Variants in ESRP1 observed in about 807,000 individuals in gnomAD.
The protein encoded by ESRP1 is RNA-binding motif protein 35A.
A neutral mutation model predicts 81.7 loss-of-function variants in ESRP1; 33 were observed. The observed-to-expected ratio is 0.40, with a 90% CI of 0.31 to 0.54. ESRP1 has a LOEUF of 0.54. Among genes scored for constraint, ESRP1 ranks in the 20% least tolerant of loss-of-function variants. The pLI is 0.41. For missense variants in ESRP1, 672 were observed against 833.1 expected (o/e 0.81, Z 2.38); for synonymous variants, 320 against 303.3 (o/e 1.06, Z -0.57).
chr8:94,678,501 A>G (rs1208250498), intron 13 of ESRP1, 130 bp downstream of exon 13: 1 of 1,066,672 alleles, frequency 9.4e-7, no homozygotes, highest in Non-Finnish European at 1.3e-6. Flanking sequence ...GCCTCTGGTC[A>G]TATCTCTGAC....
intron 3 of ESRP1, among the ~76,000 whole-genome samples, chr8:94,644,195 C>A (rs1817740281): frequency 6.6e-6 from 1 of 152,156 alleles, no homozygotes; most frequent in Admixed American, 6.5e-5. Flanking sequence ...CAGAGACAAC[C>A]CACCCAGTGT....
intron 2 of ESRP1, 142 bp downstream of exon 2, chr8:94,642,226 A>AG: frequency 2.0e-6 from 2 of 1,021,860 alleles, no homozygotes; most frequent in Non-Finnish European, 2.8e-6. Flanking sequence ...GCCCAGCCTG[A>AG]GGGCCGGGGC....
chr8:94,658,313 G>A lies in ESRP1; in HGVS notation c.491-3959G>A, dbSNP rs576754945. Among the ~76,000 whole-genome samples, 158 of 152,294 alleles carry A rather than the reference G, an allele frequency of 1.0e-3. 1 individual carries two copies. Among genetic ancestry groups the A allele is most frequent in the Non-Finnish European group, 1.6e-3 (110 of 68,030 alleles). Reference sequence around the variant, plus strand: ...AATAGGGAGTGGTTGGCACAAAATGGTGTCCAGTAAATGCCACCATTTAAG... The same window carrying A: ...AATAGGGAGTGGTTGGCACAAAATGATGTCCAGTAAATGCCACCATTTAAG... On this transcript the variant is annotated intron_variant, in intron 4 of 15. Transcript: ENST00000433389.
chr8:94,677,619 C>T (rs1051090128), intron 12 of ESRP1, among the ~76,000 whole-genome samples: 57 of 152,136 alleles, frequency 3.7e-4, no homozygotes, highest in African/African-American at 1.3e-3. Context: ...AGCTTCAAAG[C>T]CCATCATGTG....
rs779562256 is a variant in ESRP1 at position 94,646,170 on chromosome 8, T to G, written c.378T>G (p.Asn126Lys). Residue 126 changes from asparagine (N) to lysine (K), a missense_variant and splice_region_variant, in exon 4 of 16, where the codon AAT (asparagine) becomes AAG (lysine). Physicochemically the swap from Asn to Lys is moderately conservative, Grantham distance 94. Coordinates refer to ENST00000433389, the MANE Select transcript of ESRP1 (RefSeq NM_017697.4). ...TTATCTACCTTGTCCTTCCTCAGAATGTACTATTACCTGAATGCTTCTATT... is the reference window on the plus strand; with the variant it reads ...TTATCTACCTTGTCCTTCCTCAGAAGGTACTATTACCTGAATGCTTCTATT... ...QILHPEASKK[N>K]VLLPECFYSF... 7 of 1,583,618 alleles carry G rather than the reference T, an allele frequency of 4.4e-6. No homozygotes were observed. The East Asian group carries it at 1.6e-4, about 36-fold the overall frequency.
intron 12 of ESRP1, among the ~76,000 whole-genome samples, chr8:94,677,777 G>C (rs967097072): frequency 6.6e-6 from 1 of 152,142 alleles, no homozygotes; most frequent in East Asian, 1.9e-4. Context: ...CTGTACTGAC[G>C]GGTAGGTAGC....
intron 4 of ESRP1, among the ~76,000 whole-genome samples, chr8:94,660,321 G>T (rs1246748818): frequency 6.6e-6 from 1 of 152,160 alleles, no homozygotes; most frequent in African/African-American, 2.4e-5. Context: ...ATGCTAAATT[G>T]GCCGGGGTGG....
intron 3 of ESRP1, 82 bp downstream of exon 3, chr8:94,643,498 G>C: frequency 1.2e-6 from 1 of 801,398 alleles, no homozygotes; most frequent in Non-Finnish European, 2.1e-6. Context: ...GTTTATTCAA[G>C]TTTCTCTGTT....
Position 94,673,779 on chromosome 8 carries a change from C to G in ESRP1, c.1453-529C>G, listed in dbSNP as rs533745719. On this transcript the variant is annotated intron_variant, in intron 11 of 15. Coordinates refer to ENST00000433389, the MANE Select transcript of ESRP1 (RefSeq NM_017697.4). ...CTTGCACCTCCCAAATTCCTTGCCC[C>G]CAAGCCACATTCCAACCTAGGTCTC... is the stretch of plus-strand genomic sequence containing the variant. Among the ~76,000 whole-genome samples the G allele has an allele frequency of 2.3e-3, 353 of 152,220 alleles. 5 individuals carry two copies. The highest frequency in any genetic ancestry group is 0.022 in the South Asian group (106 of 4,814).
chr8:94,699,554 C>T lies in ESRP1; in HGVS notation c.*35+2593C>T, dbSNP rs527429479. ...ACTCCGGAGGCTGAGGTAGGAGGGT[C>T]AATTGAGTCCAGGAGGTCAAGGTTG... On this transcript the variant is annotated intron_variant, in intron 15 of 15. Transcript: ENST00000433389. Among the ~76,000 whole-genome samples, 149 of 151,992 alleles carry T rather than the reference C, an allele frequency of 9.8e-4. 1 individual carries two copies. The highest frequency in any genetic ancestry group is 1.8e-3 in the Non-Finnish European group (120 of 68,010).
At chr8:94,695,796 T>C (rs140513222) in intron 14 of ESRP1, among the ~76,000 whole-genome samples, 3,085 of 152,080 alleles carry the variant, frequency 0.02, 95 homozygotes, top group African/African-American at 0.069. Context: ...GGCACAGTGG[T>C]TCACACCTGT....
At position 94,682,932 on chromosome 8, in the gene ESRP1, A is replaced by ATTTTTTTT; in HGVS notation, c.1820+4583_1820+4590dup. Among the ~76,000 whole-genome samples, 14 of 18,090 alleles carry ATTTTTTTT rather than the reference A, an allele frequency of 7.7e-4. 4 individuals are homozygous for ATTTTTTTT. The highest frequency in any genetic ancestry group is 1.6e-3 in the East Asian group (1 of 622). 11.9% of individuals were successfully genotyped at this position (18,090 alleles called of 152,430 possible). ...TATATATATATATATATATATATAT[A>ATTTTTTTT]TTTTTTTTTTTTTTTTTTTTTTTTT... On this transcript the variant is annotated intron_variant, in intron 13 of 15. Transcript: ENST00000433389.
At chr8:94,685,490 A>G (rs919595543) in intron 13 of ESRP1, among the ~76,000 whole-genome samples, 1 of 152,110 alleles carries the variant, frequency 6.6e-6, no homozygotes, top group Non-Finnish European at 1.5e-5. Context: ...AGTCTGGTTG[A>G]CAGTGAGACC....
At chr8:94,667,068 G>GGTGTGTGTGTGTGT (rs1163646804) in intron 9 of ESRP1, among the ~76,000 whole-genome samples, 14,742 of 144,150 alleles carry the variant, frequency 0.1, 887 homozygotes, top group Admixed American at 0.15. Flanking sequence ...CCAGGAGAGG[G>GGTGTGTGTGTGTGT]GTGTGTGTGT....
chr8:94,703,379 C>T (rs991737597), intron 15 of ESRP1, among the ~76,000 whole-genome samples: 1 of 151,964 alleles, frequency 6.6e-6, no homozygotes, highest in African/African-American at 2.4e-5. Flanking sequence ...GTCTCCATCT[C>T]GACCTCATGA....
chr8:94,683,636 A>G (rs979091084), intron 13 of ESRP1, among the ~76,000 whole-genome samples: 1 of 152,248 alleles, frequency 6.6e-6, no homozygotes, highest in African/African-American at 2.4e-5. Context: ...TCACAAATGC[A>G]GACAAGAATT....
intron 4 of ESRP1, among the ~76,000 whole-genome samples, chr8:94,650,263 G>T (rs76854626): frequency 3.0e-5 from 4 of 135,038 alleles, no homozygotes; most frequent in Non-Finnish European, 6.2e-5. Flanking sequence ...TGTTTGTTTT[G>T]TTTTTTTTTA....
intron 13 of ESRP1, among the ~76,000 whole-genome samples, chr8:94,692,013 G>A (rs1448339045): frequency 6.6e-6 from 1 of 152,126 alleles, no homozygotes; most frequent in Non-Finnish European, 1.5e-5. Context: ...TACTTGGCTG[G>A]TGTTCCTTGG....
At chr8:94,664,615 T>C in intron 6 of ESRP1, 82 bp from the exon 7 acceptor site, 1 of 926,738 alleles carries the variant, frequency 1.1e-6, no homozygotes, top group Non-Finnish European at 1.8e-6. Context: ...CCTGTGTAAC[T>C]AGGCAGTTGT....
Sources: gnomAD v4.1 joint callset for allele counts (sites outside exome capture counted in the v4.1 genomes callset) on GRCh38, gnomAD v4.1.1 for gene constraint, MANE v1.5 for transcripts, NCBI Gene and HGNC (gene_info 2026-07-23, HGNC 2026-07-21) for gene names.